CHRM2: variants seen among roughly 807,000 people sequenced by gnomAD.
The protein encoded by CHRM2 is cholinergic receptor muscarinic 2, also known as muscarinic acetylcholine receptor M2.
A neutral mutation model predicts 25.0 loss-of-function variants in CHRM2; 8 were observed. The ratio of observed to expected loss-of-function variants is 0.32; its 90% CI spans 0.19 to 0.58. CHRM2 has a LOEUF of 0.58. CHRM2 is among the 20% of genes least tolerant of loss of function. CHRM2 has a pLI of 0.88. For synonymous variants in CHRM2, 202 were observed against 205.7 expected, an observed-to-expected ratio of 0.98 and a Z score of 0.15; for missense variants, 440 against 567.1, an observed-to-expected ratio of 0.78 and a Z score of 2.28.
intron 3 of CHRM2, among the ~76,000 whole-genome samples, chr7:136,993,067 A>C (rs1345167663): frequency 6.6e-6 from 1 of 152,214 alleles, no homozygotes; most frequent in Non-Finnish European, 1.5e-5. Flanking sequence ...GTCACAATCA[A>C]ATTGACACAT....
chr7:136,985,620 A>T (rs1802808301), intron 2 of CHRM2, among the ~76,000 whole-genome samples: 1 of 152,160 alleles, frequency 6.6e-6, no homozygotes, highest in African/African-American at 2.4e-5. Flanking sequence ...TTACATTTCA[A>T]TCGTCCAAGA....
At chr7:136,973,808 G>C (rs1393553002) in intron 2 of CHRM2, among the ~76,000 whole-genome samples, 1 of 151,968 alleles carries the variant, frequency 6.6e-6, no homozygotes, top group Non-Finnish European at 1.5e-5. Context: ...GTGTCTATTT[G>C]TTGGTCAGAA....
At chr7:136,877,715 A>ACCT (rs892935814) in intron 2 of CHRM2, among the ~76,000 whole-genome samples, 1 of 151,932 alleles carries the variant, frequency 6.6e-6, no homozygotes, top group Non-Finnish European at 1.5e-5. Context: ...CGGGTATGAT[A>ACCT]CCTCCTCTAG....
chr7:136,946,710 T>C (rs1800095103), intron 2 of CHRM2, among the ~76,000 whole-genome samples: 1 of 152,228 alleles, frequency 6.6e-6, no homozygotes, highest in Non-Finnish European at 1.5e-5. Context: ...TACTCATTTG[T>C]AAATACATTT....
intron 3 of CHRM2, among the ~76,000 whole-genome samples, chr7:137,003,738 T>A (rs1025584964): frequency 6.6e-6 from 1 of 152,162 alleles, no homozygotes; most frequent in Non-Finnish European, 1.5e-5. Context: ...ATTGTTGATA[T>A]GGTTTGGCTG....
intron 3 of CHRM2, among the ~76,000 whole-genome samples, chr7:137,000,528 AAAG>A (rs1354003612): frequency 1.4e-4 from 12 of 85,956 alleles, no homozygotes; most frequent in African/African-American, 4.4e-4. Context: ...AAAAAAAAAG[AAAG>A]AAAGAAAAGA....
chr7:137,010,378 T>C (rs1470886301), intron 3 of CHRM2, among the ~76,000 whole-genome samples: 1 of 152,112 alleles, frequency 6.6e-6, no homozygotes, highest in Non-Finnish European at 1.5e-5. Context: ...GCTATTGCTA[T>C]ACACTTGCCA....
At chr7:136,925,237 C>T (rs1798674959) in intron 2 of CHRM2, among the ~76,000 whole-genome samples, 1 of 152,058 alleles carries the variant, frequency 6.6e-6, no homozygotes, top group Admixed American at 6.6e-5. Flanking sequence ...TTTATGTTGG[C>T]CTTATCATAG....
intron 2 of CHRM2, among the ~76,000 whole-genome samples, chr7:136,921,347 C>T (rs1024238783): frequency 1.3e-5 from 2 of 152,026 alleles, no homozygotes; most frequent in Admixed American, 6.6e-5. Context: ...TGAGGTCTGC[C>T]TTTACTCCAT....
At chr7:136,954,184 T>A (rs1212074453) in intron 2 of CHRM2, among the ~76,000 whole-genome samples, 1 of 152,176 alleles carries the variant, frequency 6.6e-6, no homozygotes, top group Non-Finnish European at 1.5e-5. Context: ...TTTATACACA[T>A]ACATATGCAT....
At chr7:136,888,702 T>C (rs1327399278) in intron 2 of CHRM2, among the ~76,000 whole-genome samples, 1 of 152,114 alleles carries the variant, frequency 6.6e-6, no homozygotes, top group African/African-American at 2.4e-5. Flanking sequence ...GAAGAGTTAT[T>C]CTTGTTAATA....
At chr7:136,934,859 C>CA (rs34883311) in intron 2 of CHRM2, among the ~76,000 whole-genome samples, 23,432 of 146,368 alleles carry the variant, frequency 0.16, 2,522 homozygotes, top group African/African-American at 0.31. Context: ...TGAAAATAAC[C>CA]AAAAAAAAAA....
intron 2 of CHRM2, among the ~76,000 whole-genome samples, chr7:136,946,517 C>T (rs1359841055): frequency 2.0e-5 from 3 of 152,038 alleles, no homozygotes; most frequent in Non-Finnish European, 2.9e-5. Flanking sequence ...CTCAATAAAC[C>T]GTACTCCTTT....
chr7:136,984,003 G>A (rs893870534), intron 2 of CHRM2, among the ~76,000 whole-genome samples: 1 of 152,192 alleles, frequency 6.6e-6, no homozygotes, highest in Non-Finnish European at 1.5e-5. Context: ...AGAGCTGGCA[G>A]GCAGAAATGT....
At chr7:136,917,563 T>C (rs1161735888) in intron 2 of CHRM2, among the ~76,000 whole-genome samples, 1 of 151,966 alleles carries the variant, frequency 6.6e-6, no homozygotes, top group Non-Finnish European at 1.5e-5. Flanking sequence ...ATTGCACACA[T>C]TTACTACTTT....
chr7:136,915,614 T>C, intron 2 of CHRM2, among the ~76,000 whole-genome samples: 1 of 151,854 alleles, frequency 6.6e-6, no homozygotes, highest in Admixed American at 6.6e-5. Flanking sequence ...TAGACTTACA[T>C]ATATCAACTA....
intron 2 of CHRM2, among the ~76,000 whole-genome samples, chr7:136,935,319 T>C (rs1181083731): frequency 2.0e-5 from 3 of 152,170 alleles, no homozygotes; most frequent in Non-Finnish European, 2.9e-5. Flanking sequence ...GCATCAATTA[T>C]GAAAGAAGTC....
intron 2 of CHRM2, among the ~76,000 whole-genome samples, chr7:136,959,057 T>G (rs898127356): frequency 6.6e-6 from 1 of 152,308 alleles, no homozygotes; most frequent in South Asian, 2.1e-4. Flanking sequence ...CTGGAGACTC[T>G]GAACCTCTTC....
intron 2 of CHRM2, among the ~76,000 whole-genome samples, chr7:136,976,864 TCTAA>T (rs769202560): frequency 1.4e-4 from 21 of 152,298 alleles, no homozygotes; most frequent in Non-Finnish European, 2.4e-4. Flanking sequence ...TCCCCGGTGC[TCTAA>T]CTAATTCACT....
Sources: allele counts gnomAD v4.1 joint callset (sites outside exome capture counted in the v4.1 genomes callset), GRCh38; gene constraint gnomAD v4.1.1; transcripts MANE v1.5; gene names NCBI Gene and HGNC (gene_info 2026-07-23, HGNC 2026-07-21).